Variants in GALNT13 observed in about 807,000 individuals in gnomAD.
GALNT13 encodes UDP-GalNAc:polypeptide N-acetylgalactosaminyltransferase 13.
In GALNT13, 28 loss-of-function variants were observed where a neutral mutation model predicts 64.2. The ratio of observed to expected loss-of-function variants is 0.44; its 90% CI spans 0.32 to 0.60. The LOEUF (loss-of-function observed/expected upper bound fraction) is 0.60, where lower values mean the gene tolerates loss of function less well. GALNT13 is among the 20% of genes least tolerant of loss of function. The pLI, the probability that GALNT13 is intolerant of heterozygous loss-of-function variation, is 0.05. For synonymous variants in GALNT13, 214 were observed against 224.6 expected (o/e 0.95, Z 0.42); for missense variants, 577 against 669.8 (o/e 0.86, Z 1.53).
At chr2:153,455,701 A>G in the GALNT13 span, among the ~76,000 whole-genome samples, 2 of 152,134 alleles carry the variant, frequency 1.3e-5, no homozygotes, top group African/African-American at 2.4e-5. Flanking sequence ...GTCCGCGGAC[A>G]GCTTAAGTGT....
chr2:153,957,707 TA>T (rs917535434), intron 3 of GALNT13, among the ~76,000 whole-genome samples: 5 of 152,292 alleles, frequency 3.3e-5, no homozygotes, highest in African/African-American at 9.6e-5. Context: ...AGATAACTCT[TA>T]GGGGGCAGGG....
the GALNT13 span, among the ~76,000 whole-genome samples, chr2:153,109,322 T>C: frequency 6.6e-6 from 1 of 152,122 alleles, no homozygotes; most frequent in African/African-American, 2.4e-5. Flanking sequence ...TCATTCTCAT[T>C]CCCATTGACA....
At chr2:154,230,286 T>A (rs1158352239) in intron 4 of GALNT13, among the ~76,000 whole-genome samples, 1 of 152,118 alleles carries the variant, frequency 6.6e-6, no homozygotes, top group Non-Finnish European at 1.5e-5. Flanking sequence ...GGAGGAAGTT[T>A]GCTGCAAAGT....
chr2:153,266,308 T>G, the GALNT13 span, among the ~76,000 whole-genome samples: 10 of 152,220 alleles, frequency 6.6e-5, no homozygotes, highest in African/African-American at 2.4e-4. Context: ...TTTGACAACG[T>G]TAGAGAAAAC....
intron 3 of GALNT13, among the ~76,000 whole-genome samples, chr2:154,133,522 T>C: frequency 8.4e-6 from 1 of 119,586 alleles, no homozygotes; most frequent in African/African-American, 3.0e-5. Flanking sequence ...TTCAGTAACA[T>C]AACAGACCAT....
the GALNT13 span, among the ~76,000 whole-genome samples, chr2:153,148,693 CAG>C: frequency 1.3e-5 from 2 of 151,780 alleles, no homozygotes; most frequent in South Asian, 2.1e-4. Flanking sequence ...CTTGTTAAGA[CAG>C]GGGGTTCTGG....
intron 4 of GALNT13, among the ~76,000 whole-genome samples, chr2:154,181,506 A>C (rs1685956716): frequency 6.6e-6 from 1 of 152,110 alleles, no homozygotes. Context: ...TATTTTCCCC[A>C]AAGGAATAAT....
At chr2:153,827,485 C>T in the GALNT13 span, among the ~76,000 whole-genome samples, 9 of 151,964 alleles carry the variant, frequency 5.9e-5, no homozygotes, top group Non-Finnish European at 1.0e-4. Flanking sequence ...ATTAGCTGGT[C>T]GTGGTTGTGG....
chr2:154,115,936 A>G (rs1703272630), intron 3 of GALNT13, among the ~76,000 whole-genome samples: 1 of 152,062 alleles, frequency 6.6e-6, no homozygotes, highest in Admixed American at 6.6e-5. Context: ...ATACCTCCTC[A>G]TGGGTCACAC....
chr2:153,751,894 G>A, the GALNT13 span, among the ~76,000 whole-genome samples: 1 of 138,976 alleles, frequency 7.2e-6, no homozygotes, highest in East Asian at 2.0e-4. Context: ...CGGTTGACAT[G>A]TGACTTTCTT....
the GALNT13 span, among the ~76,000 whole-genome samples, chr2:153,190,939 G>A: frequency 0.17 from 25,702 of 151,852 alleles, 2,319 homozygotes; most frequent in African/African-American, 0.19. Context: ...CTGAAACTTT[G>A]CTGAACTTGT....
At chr2:154,018,827 A>T (rs2105269787) in intron 3 of GALNT13, among the ~76,000 whole-genome samples, 1 of 151,506 alleles carries the variant, frequency 6.6e-6, no homozygotes, top group East Asian at 2.0e-4. Context: ...GAGATGGAAG[A>T]TGGTAGAAAG....
In GALNT13 at chr2:154,025,355, C is replaced by T. The variant is rs1697878167; in HGVS notation, c.142+80716C>T. Among the ~76,000 whole-genome samples the T allele has an allele frequency of 2.6e-5, 4 of 152,134 alleles. No homozygotes were observed. In the South Asian group the frequency reaches 8.3e-4, roughly 32 times the overall value. On this transcript the variant is annotated intron_variant, in intron 3 of 12. Transcript: ENST00000392825. ...TTATCAAAAAATAAATAAAGTTTAC[C>T]TCTGATCTCACCATCTGGAAGTAGC...
chr2:153,477,178 G>C, the GALNT13 span, among the ~76,000 whole-genome samples: 6 of 151,986 alleles, frequency 3.9e-5, no homozygotes, highest in South Asian at 6.2e-4. Flanking sequence ...AGTCATCCCA[G>C]GGCCTCTCCG....
At chr2:153,487,432 A>G in the GALNT13 span, among the ~76,000 whole-genome samples, 4 of 152,176 alleles carry the variant, frequency 2.6e-5, no homozygotes, top group Non-Finnish European at 4.4e-5. Flanking sequence ...TCCCTCCAAT[A>G]TTTTTATGGC....
chr2:154,254,596 G>A (rs1414706480), intron 7 of GALNT13, among the ~76,000 whole-genome samples: 1 of 150,964 alleles, frequency 6.6e-6, no homozygotes, highest in Non-Finnish European at 1.5e-5. Flanking sequence ...AAAAAAAGAA[G>A]TATTTTGGAA....
chr2:154,003,926 T>G (rs1696079595), intron 3 of GALNT13, among the ~76,000 whole-genome samples: 1 of 152,124 alleles, frequency 6.6e-6, no homozygotes, highest in East Asian at 1.9e-4. Flanking sequence ...CCACTATACT[T>G]CCTGTACAGC....
chr2:153,663,354 T>C, the GALNT13 span, among the ~76,000 whole-genome samples: 1 of 152,196 alleles, frequency 6.6e-6, no homozygotes, highest in African/African-American at 2.4e-5. Context: ...AGATTTACTT[T>C]AAGTGGGTAA....
chr2:154,089,621 G>A (rs1035376777), intron 3 of GALNT13, among the ~76,000 whole-genome samples: 1 of 152,028 alleles, frequency 6.6e-6, no homozygotes, highest in Non-Finnish European at 1.5e-5. Context: ...TGGACGGATA[G>A]GGAGCCCTAT....
Sources: gnomAD v4.1 joint callset for allele counts (sites outside exome capture counted in the v4.1 genomes callset) on GRCh38, gnomAD v4.1.1 for gene constraint, MANE v1.5 for transcripts, NCBI Gene and HGNC (gene_info 2026-07-23, HGNC 2026-07-21) for gene names.